LINGO2: variants seen among roughly 807,000 people sequenced by gnomAD.
LINGO2 encodes leucine-rich repeat and immunoglobulin-like domain-containing nogo receptor-interacting protein 2.
LINGO2 carries 14 observed loss-of-function variants against 30.6 expected under a neutral mutation model. That is an observed-to-expected ratio of 0.46 (90% CI 0.30 to 0.72). The LOEUF (loss-of-function observed/expected upper bound fraction) is 0.72. LINGO2 is among the 30% of genes least tolerant of loss of function. The pLI, the probability that LINGO2 is intolerant of heterozygous loss-of-function variation, is 0.07. For synonymous variants in LINGO2, 317 were observed against 288.5 expected, an observed-to-expected ratio of 1.10 and a Z score of -1.00; for missense variants, 729 against 751.7, an observed-to-expected ratio of 0.97 and a Z score of 0.35.
the LINGO2 span, among the ~76,000 whole-genome samples, chr9:28,720,799 G>A: frequency 0.026 from 3,951 of 152,042 alleles, 185 homozygotes; most frequent in African/African-American, 0.088. Context: ...ACCTTGTCTT[G>A]TATTGCTTTT....
the LINGO2 span, among the ~76,000 whole-genome samples, chr9:28,857,564 T>TA: frequency 6.6e-6 from 1 of 152,022 alleles, no homozygotes; most frequent in Admixed American, 6.6e-5. Context: ...ACAGGTACTT[T>TA]AGGCAGATTG....
chr9:28,223,311 A>C (rs569716423), intron 4 of LINGO2, among the ~76,000 whole-genome samples: 2 of 152,302 alleles, frequency 1.3e-5, no homozygotes, highest in Admixed American at 1.3e-4. Context: ...GCCGTCTCAC[A>C]TCCTCTGGAG....
chr9:29,193,163 C>T, the LINGO2 span, among the ~76,000 whole-genome samples: 3 of 152,190 alleles, frequency 2.0e-5, no homozygotes. Context: ...TACATCCAAA[C>T]ACACCAAAAT....
intron 4 of LINGO2, among the ~76,000 whole-genome samples, chr9:28,076,765 T>C (rs1043745335): frequency 6.6e-6 from 1 of 152,148 alleles, no homozygotes; most frequent in Non-Finnish European, 1.5e-5. Flanking sequence ...TTGGAGCACA[T>C]TAAAGGTCCA....
At chr9:28,486,130 G>A (rs1230065087) in intron 1 of LINGO2, among the ~76,000 whole-genome samples, 2 of 152,076 alleles carry the variant, frequency 1.3e-5, no homozygotes, top group South Asian at 2.1e-4. Flanking sequence ...GGAGAGCTGA[G>A]GATATCCTTC....
chr9:28,422,543 G>T (rs568861835), intron 2 of LINGO2, among the ~76,000 whole-genome samples: 36 of 152,102 alleles, frequency 2.4e-4, no homozygotes, highest in African/African-American at 8.7e-4. Context: ...TGGGGATGTA[G>T]ATGAATTGAA....
At chr9:28,449,545 T>C (rs1824566365) in intron 2 of LINGO2, among the ~76,000 whole-genome samples, 1 of 152,082 alleles carries the variant, frequency 6.6e-6, no homozygotes, top group Admixed American at 6.6e-5. Flanking sequence ...TTTTATATAA[T>C]ACTACCTCAA....
the LINGO2 span, among the ~76,000 whole-genome samples, chr9:28,878,216 G>T: frequency 1.2e-4 from 19 of 152,080 alleles, no homozygotes; most frequent in Non-Finnish European, 2.6e-4. Flanking sequence ...ACACCTCTAT[G>T]CAAATAAACT....
At chr9:28,791,483 T>C in the LINGO2 span, among the ~76,000 whole-genome samples, 1 of 152,110 alleles carries the variant, frequency 6.6e-6, no homozygotes, top group Non-Finnish European at 1.5e-5. Flanking sequence ...AATTAAAACA[T>C]GCTTGACTGA....
chr9:28,457,955 G>C (rs1388684631), intron 2 of LINGO2, among the ~76,000 whole-genome samples: 1 of 152,094 alleles, frequency 6.6e-6, no homozygotes, highest in Non-Finnish European at 1.5e-5. Context: ...ATCCAGGCAG[G>C]GTACTGGAAA....
the LINGO2 span, among the ~76,000 whole-genome samples, chr9:28,890,436 GCC>G: frequency 1.3e-5 from 2 of 152,138 alleles, no homozygotes; most frequent in East Asian, 3.9e-4. Flanking sequence ...AAAGGGGCCT[GCC>G]TGGTATTTAA....
At chr9:28,740,638 ATACTT>A in the LINGO2 span, among the ~76,000 whole-genome samples, 11 of 151,848 alleles carry the variant, frequency 7.2e-5, no homozygotes, top group Non-Finnish European at 1.5e-4. Context: ...TTTATACTAA[ATACTT>A]TAATTATTTA....
At chr9:28,385,653 G>C (rs1480313122) in intron 2 of LINGO2, among the ~76,000 whole-genome samples, 1 of 152,106 alleles carries the variant, frequency 6.6e-6, no homozygotes, top group Admixed American at 6.6e-5. Context: ...ACTTGCCCTG[G>C]AAGTCTCAAA....
intron 4 of LINGO2, among the ~76,000 whole-genome samples, chr9:28,179,376 G>T (rs1828839201): frequency 1.6e-5 from 2 of 123,320 alleles, no homozygotes; most frequent in South Asian, 2.6e-4. Flanking sequence ...TGTATATTAT[G>T]CTATATATAG....
intron 4 of LINGO2, among the ~76,000 whole-genome samples, chr9:28,216,611 G>A (rs774187342): frequency 6.6e-6 from 1 of 151,832 alleles, no homozygotes; most frequent in East Asian, 1.9e-4. Context: ...TTTGAGTTGA[G>A]AATGCAATCC....
At chr9:29,084,820 A>G in the LINGO2 span, among the ~76,000 whole-genome samples, 2 of 151,992 alleles carry the variant, frequency 1.3e-5, no homozygotes, top group African/African-American at 4.8e-5. Context: ...CAATTTTCCT[A>G]CTAAATTATA....
chr9:29,103,426 G>A, the LINGO2 span, among the ~76,000 whole-genome samples: 891 of 152,028 alleles, frequency 5.9e-3, 8 homozygotes, highest in African/African-American at 0.021. Flanking sequence ...TTTTATTGGT[G>A]AGTGATCATT....
At chr9:28,734,377 T>C in the LINGO2 span, among the ~76,000 whole-genome samples, 2 of 152,168 alleles carry the variant, frequency 1.3e-5, no homozygotes, top group Non-Finnish European at 2.9e-5. Context: ...CAATTTACAA[T>C]TTATAAATTA....
chr9:28,780,046 T>C, the LINGO2 span, among the ~76,000 whole-genome samples: 1 of 152,184 alleles, frequency 6.6e-6, no homozygotes, highest in African/African-American at 2.4e-5. Context: ...TTGTTTTGTT[T>C]CATAAGTGTA....
Sources: gnomAD v4.1 joint callset for allele counts (sites outside exome capture counted in the v4.1 genomes callset) on GRCh38, gnomAD v4.1.1 for gene constraint, MANE v1.5 for transcripts, NCBI Gene and HGNC (gene_info 2026-07-23, HGNC 2026-07-21) for gene names.